The following UNC5C variants were observed in gnomAD, a reference collection of about 807,000 sequenced individuals.
UNC5C encodes netrin receptor UNC5C.
A neutral mutation model predicts 99.8 loss-of-function variants in UNC5C; 47 were observed. The observed-to-expected ratio is 0.47, with a 90% CI of 0.37 to 0.60. The LOEUF is 0.60. Ranked by LOEUF, UNC5C falls within the 20% of genes least tolerant of loss-of-function variation. The pLI is 0.00. For missense variants in UNC5C, 1,062 were observed against 1,165.9 expected (o/e 0.91, Z 1.30); for synonymous variants, 487 against 452.2 (o/e 1.08, Z -0.98).
At chr4:95,348,078 A>G (rs1243048816) in intron 1 of UNC5C, among the ~76,000 whole-genome samples, 3 of 152,056 alleles carry the variant, frequency 2.0e-5, no homozygotes, top group Non-Finnish European at 4.4e-5. Context: ...CTAATAATCT[A>G]ATTAAATAAT....
At chr4:95,496,479 C>T (rs1721634057) in intron 1 of UNC5C, among the ~76,000 whole-genome samples, 1 of 151,702 alleles carries the variant, frequency 6.6e-6, no homozygotes, top group Admixed American at 6.6e-5. Flanking sequence ...AACTTCCCAT[C>T]CTCAGTCATT....
intron 1 of UNC5C, among the ~76,000 whole-genome samples, chr4:95,339,990 C>T (rs1311428851): frequency 1.3e-5 from 2 of 152,056 alleles, no homozygotes; most frequent in Non-Finnish European, 2.9e-5. Flanking sequence ...AACAGTAGTA[C>T]CATTTTTATC....
chr4:95,454,930 G>A (rs1458178279), intron 1 of UNC5C, among the ~76,000 whole-genome samples: 1 of 151,948 alleles, frequency 6.6e-6, no homozygotes, highest in Non-Finnish European at 1.5e-5. Context: ...AAAATTAAGT[G>A]CATGGGAAAG....
chr4:95,433,006 G>C (rs1001336633), intron 1 of UNC5C, among the ~76,000 whole-genome samples: 4 of 152,086 alleles, frequency 2.6e-5, no homozygotes, highest in Non-Finnish European at 4.4e-5. Context: ...TTTTATGTCA[G>C]TTACGTCAAC....
chr4:95,275,432 A>ATT (rs1162051082), intron 4 of UNC5C, among the ~76,000 whole-genome samples: 1 of 152,194 alleles, frequency 6.6e-6, no homozygotes, highest in African/African-American at 2.4e-5. Context: ...TCACAACCAC[A>ATT]TTCTGCAAAG....
chr4:95,397,842 A>T (rs1745563473), intron 1 of UNC5C, among the ~76,000 whole-genome samples: 1 of 152,178 alleles, frequency 6.6e-6, no homozygotes, highest in Non-Finnish European at 1.5e-5. Context: ...AGTAGAAATC[A>T]TCTTATTATA....
At chr4:95,327,411 T>C (rs971960439) in intron 2 of UNC5C, among the ~76,000 whole-genome samples, 1 of 151,986 alleles carries the variant, frequency 6.6e-6, no homozygotes, top group Non-Finnish European at 1.5e-5. Context: ...ATTCACAGGA[T>C]TGAAAAAAAC....
chr4:95,197,663 G>T (rs138511411), intron 12 of UNC5C, among the ~76,000 whole-genome samples: 1 of 152,114 alleles, frequency 6.6e-6, no homozygotes, highest in Non-Finnish European at 1.5e-5. Flanking sequence ...AAGAACTGCC[G>T]TGGGAATCGG....
chr4:95,396,158 A>G (rs1745502878), intron 1 of UNC5C, among the ~76,000 whole-genome samples: 1 of 152,222 alleles, frequency 6.6e-6, no homozygotes, highest in African/African-American at 2.4e-5. Context: ...CAGAAGCTAC[A>G]GGGGAAGAGA....
At chr4:95,542,794 T>A (rs1722950581) in intron 1 of UNC5C, among the ~76,000 whole-genome samples, 2 of 152,032 alleles carry the variant, frequency 1.3e-5, no homozygotes. Context: ...GGTGGCTCCA[T>A]ACAGGTAGAC....
rs1027207234 is a variant in UNC5C at position 95,250,560 on chromosome 4, A to G, written c.702T>C (p.Thr234=). The change falls in exon 5 of 16, where the codon ACT becomes ACC. Residue 234 remains threonine (T), a synonymous_variant. Coordinates refer to ENST00000453304, the MANE Select transcript of UNC5C (RefSeq NM_003728.4). ...TTTTGGCAACACAGGTGTAATTTGC[A>G]GTATCAGAGAGTCGGGCCTGCTTTA... ...LIIKQARLSD[T]ANYTCVAKNI... The G allele has an allele frequency of 2.5e-5, 40 of 1,614,000 alleles. No individual in the cohort carries two copies. Among genetic ancestry groups the G allele is most frequent in the Admixed American group, 3.3e-5 (2 of 59,996 alleles).
intron 2 of UNC5C, among the ~76,000 whole-genome samples, chr4:95,305,550 G>T (rs1381108296): frequency 2.6e-5 from 4 of 152,128 alleles, no homozygotes; most frequent in African/African-American, 7.2e-5. Context: ...TTATTTAAGG[G>T]TGGGGGAAAT....
chr4:95,320,394 C>G (rs6817365), intron 2 of UNC5C, among the ~76,000 whole-genome samples: 82,069 of 143,278 alleles, frequency 0.57, 23,761 homozygotes, highest in East Asian at 0.84. Flanking sequence ...TGTACTCCAG[C>G]CTGGGTGACA....
At chr4:95,398,150 G>A (rs1184991302) in intron 1 of UNC5C, among the ~76,000 whole-genome samples, 1 of 145,164 alleles carries the variant, frequency 6.9e-6, no homozygotes, top group African/African-American at 2.6e-5. Context: ...ACATGCAAAT[G>A]AAAACACAGG....
chr4:95,528,627 C>G (rs1384009019), intron 1 of UNC5C, among the ~76,000 whole-genome samples: 1 of 152,100 alleles, frequency 6.6e-6, no homozygotes, highest in African/African-American at 2.4e-5. Flanking sequence ...TGTAATAAAA[C>G]AGCTAAATTT....
At chr4:95,487,462 T>C (rs1275049960) in intron 1 of UNC5C, among the ~76,000 whole-genome samples, 1 of 151,640 alleles carries the variant, frequency 6.6e-6, no homozygotes, top group Non-Finnish European at 1.5e-5. Context: ...ACATTAACTC[T>C]ATGGTATACT....
intron 9 of UNC5C, among the ~76,000 whole-genome samples, chr4:95,217,857 C>A (rs1178024319): frequency 2.6e-5 from 4 of 152,014 alleles, no homozygotes; most frequent in East Asian, 3.8e-4. Flanking sequence ...AAAGAGCATG[C>A]AATAGCATGA....
intron 1 of UNC5C, among the ~76,000 whole-genome samples, chr4:95,502,876 C>T (rs899904568): frequency 5.3e-5 from 8 of 152,138 alleles, no homozygotes; most frequent in Non-Finnish European, 8.8e-5. Flanking sequence ...CGCAAAGAAT[C>T]GCACAGATAT....
At chr4:95,190,036 G>A (rs1737006120) in intron 12 of UNC5C, among the ~76,000 whole-genome samples, 1 of 152,100 alleles carries the variant, frequency 6.6e-6, no homozygotes, top group South Asian at 2.1e-4. Flanking sequence ...AAAGACACAT[G>A]CACATGTATG....
Sources: gnomAD v4.1 joint callset for allele counts (sites outside exome capture counted in the v4.1 genomes callset) on GRCh38, gnomAD v4.1.1 for gene constraint, MANE v1.5 for transcripts, NCBI Gene and HGNC (gene_info 2026-07-23, HGNC 2026-07-21) for gene names.